SGCD: variants seen among roughly 807,000 people sequenced by gnomAD.
SGCD encodes delta-sarcoglycan.
Under a neutral mutation model 36.6 loss-of-function variants are expected in SGCD, and 18 were observed. The ratio of observed to expected loss-of-function variants is 0.49; its 90% CI spans 0.34 to 0.73. The LOEUF (loss-of-function observed/expected upper bound fraction) is 0.73, where lower values mean the gene tolerates loss of function less well. SGCD is among the 30% of genes least tolerant of loss of function. The probability of loss-of-function intolerance (pLI) is 0.01; values close to 1 mark genes in which losing one functional copy is unlikely to be tolerated. For synonymous variants in SGCD, 133 were observed against 130.6 expected, an observed-to-expected ratio of 1.02 and a Z score of -0.12; for missense variants, 387 against 346.7, an observed-to-expected ratio of 1.12 and a Z score of -0.92.
At chr5:156,057,780 A>G (rs1760098476) in intron 1 of SGCD, among the ~76,000 whole-genome samples, 1 of 146,478 alleles carries the variant, frequency 6.8e-6, no homozygotes, top group African/African-American at 2.5e-5. Context: ...TATAATGGCC[A>G]TAATGATTGG....
chr5:156,324,033 T>G (rs533492588), upstream of SGCD, among the ~76,000 whole-genome samples: 2 of 152,336 alleles, frequency 1.3e-5, no homozygotes, highest in Admixed American at 1.3e-4. Context: ...AACTGTCAAA[T>G]TATACTTTTT....
Position 156,133,645 on chromosome 5 carries a change from G to A in SGCD, c.-44+9626G>A, listed in dbSNP as rs907092965. Among the ~76,000 whole-genome samples, 10 of 152,092 alleles carry A rather than the reference G, an allele frequency of 6.6e-5. No individual in the cohort carries two copies. In the East Asian group the frequency reaches 1.7e-3, roughly 27 times the overall value. On this transcript the variant is annotated intron_variant, in intron 3 of 9. Transcript: ENST00000517913. ...AAGGATACTTCCTTTAATGTTCTTC[G>A]ATTCTGCTTCTGATTCTGGTAGCAG...
chr5:156,713,651 A>G (rs1755098436), intron 7 of SGCD, among the ~76,000 whole-genome samples: 1 of 152,164 alleles, frequency 6.6e-6, no homozygotes, highest in African/African-American at 2.4e-5. Context: ...TGTTTACTTC[A>G]TTTTACTAAT....
intron 3 of SGCD, among the ~76,000 whole-genome samples, chr5:156,148,125 G>A (rs979663192): frequency 1.3e-5 from 2 of 152,278 alleles, no homozygotes; most frequent in East Asian, 3.9e-4. Context: ...AAGAATGTGT[G>A]TCTTCCTTGA....
At chr5:156,052,087 C>A (rs1759932785) in intron 1 of SGCD, among the ~76,000 whole-genome samples, 1 of 146,090 alleles carries the variant, frequency 6.8e-6, no homozygotes, top group Admixed American at 6.8e-5. Context: ...AACAGGGATC[C>A]TCCATAAGTC....
At position 156,304,951 on chromosome 5, in the gene SGCD, T is replaced by G. The variant is rs750240247; in HGVS notation, c.-43-24583T>G. On this transcript the variant is annotated intron_variant, in intron 3 of 9. Transcript: ENST00000517913. ...ACTTGAGAGAGATGATTTAAGCTAT[T>G]TGGCAGAAGAAATTTCTAAGCAGCA... 3.3e-5 allele frequency among the ~76,000 whole-genome samples: 5 copies of G among 152,176 alleles called. No homozygotes were observed. In the South Asian group the frequency reaches 6.2e-4, roughly 19 times the overall value.
intron 6 of SGCD, among the ~76,000 whole-genome samples, chr5:156,601,437 T>C (rs1561806375): frequency 6.6e-6 from 1 of 152,174 alleles, no homozygotes; most frequent in Non-Finnish European, 1.5e-5. Flanking sequence ...AAAAGGCAAT[T>C]GGCTGTAGGT....
At chr5:156,114,857 C>T (rs994721701) in intron 1 of SGCD, among the ~76,000 whole-genome samples, 6 of 151,782 alleles carry the variant, frequency 4.0e-5, no homozygotes, top group South Asian at 2.1e-4. Context: ...ATATTTTTTG[C>T]GTTGCGTGAC....
chr5:156,045,148 A>T (rs938577957), intron 1 of SGCD, among the ~76,000 whole-genome samples: 1 of 152,146 alleles, frequency 6.6e-6, no homozygotes, highest in African/African-American at 2.4e-5. Context: ...TTCTCAACAC[A>T]GACATTTATC....
chr5:155,786,573 G>T, the SGCD span, among the ~76,000 whole-genome samples: 62 of 152,140 alleles, frequency 4.1e-4, no homozygotes, highest in South Asian at 0.013. Context: ...AGGGAAAGAG[G>T]TGCATGCTAT....
At chr5:156,016,683 T>G (rs543006811) in intron 1 of SGCD, among the ~76,000 whole-genome samples, 1 of 152,292 alleles carries the variant, frequency 6.6e-6, no homozygotes, top group African/African-American at 2.4e-5. Flanking sequence ...CGTGTTTACT[T>G]AAATGTAACT....
chr5:156,528,706 C>T (rs1757746774), intron 4 of SGCD, among the ~76,000 whole-genome samples: 1 of 152,150 alleles, frequency 6.6e-6, no homozygotes, highest in Non-Finnish European at 1.5e-5. Flanking sequence ...TAATAAGTTT[C>T]ATCTTTACGT....
At chr5:156,417,929 TC>T in intron 3 of SGCD, among the ~76,000 whole-genome samples, 1 of 152,318 alleles carries the variant, frequency 6.6e-6, no homozygotes, top group African/African-American at 2.4e-5. Context: ...CAGAAATGTT[TC>T]TAGTTTTCTC....
the SGCD span, among the ~76,000 whole-genome samples, chr5:155,749,581 T>C: frequency 6.6e-6 from 1 of 152,344 alleles, no homozygotes; most frequent in East Asian, 1.9e-4. Flanking sequence ...GCATGACTGA[T>C]TTCAGACGTT....
the SGCD span, among the ~76,000 whole-genome samples, chr5:155,801,603 GC>G: frequency 5.3e-5 from 8 of 152,202 alleles, no homozygotes; most frequent in Admixed American, 5.2e-4. Flanking sequence ...AGAAGACTGA[GC>G]TGGTGAAGGA....
intron 7 of SGCD, among the ~76,000 whole-genome samples, chr5:156,711,294 T>TA (rs1364901882): frequency 6.6e-6 from 1 of 152,190 alleles, no homozygotes; most frequent in Non-Finnish European, 1.5e-5. Flanking sequence ...AGTTCTAGAA[T>TA]TTCCTACTTT....
At chr5:156,285,264 A>T (rs1766562884) in intron 3 of SGCD, among the ~76,000 whole-genome samples, 1 of 152,184 alleles carries the variant, frequency 6.6e-6, no homozygotes, top group Non-Finnish European at 1.5e-5. Flanking sequence ...GAATTTATGG[A>T]TTCAATGCCA....
At chr5:156,678,444 C>T (rs546734301) in intron 7 of SGCD, among the ~76,000 whole-genome samples, 2 of 152,074 alleles carry the variant, frequency 1.3e-5, no homozygotes, top group African/African-American at 4.8e-5. Flanking sequence ...TACTACTGCA[C>T]CAAAAAAATC....
At chr5:156,284,263 T>C (rs1264829328) in intron 3 of SGCD, among the ~76,000 whole-genome samples, 1 of 152,184 alleles carries the variant, frequency 6.6e-6, no homozygotes, top group Non-Finnish European at 1.5e-5. Context: ...GCTGGTACCA[T>C]TCCTTCTGAA....
Sources: gnomAD v4.1 joint callset for allele counts (sites outside exome capture counted in the v4.1 genomes callset) on GRCh38, gnomAD v4.1.1 for gene constraint, MANE v1.5 for transcripts, NCBI Gene and HGNC (gene_info 2026-07-23, HGNC 2026-07-21) for gene names.